The following RARS1 variants were observed in gnomAD, a reference collection of about 807,000 sequenced individuals.
RARS1 encodes arginyl-tRNA synthetase 1.
A neutral mutation model predicts 78.7 loss-of-function variants in RARS1; 75 were observed. The observed-to-expected ratio is 0.95, with a 90% CI of 0.79 to 1.15. The LOEUF is 1.15. Among genes scored for constraint, RARS1 ranks in the 50% most tolerant of loss-of-function variants. The pLI is 0.00. For synonymous variants in RARS1, 273 were observed against 268.2 expected, an observed-to-expected ratio of 1.02 and a Z score of -0.18; for missense variants, 787 against 787.5, an observed-to-expected ratio of 1.00 and a Z score of 0.01.
chr5:168,506,333 T>C, intron 10 of RARS1, 134 bp downstream of exon 10: 15 of 761,856 alleles, frequency 2.0e-5, no homozygotes, highest in South Asian at 6.7e-5. Context: ...CAGTATAGCA[T>C]AGAAGAAAGA....
At position 168,497,118 on chromosome 5, in the gene RARS1, T is replaced by C. The variant is rs17664493; in HGVS notation, c.702-110T>C. 0.17 allele frequency: 141,886 copies of C among 824,294 alleles called. 12,880 individuals are homozygous for C. Among genetic ancestry groups the C allele is most frequent in the Non-Finnish European group, 0.19 (108,830 of 587,410 alleles). The allele number at this position is 824,294 out of a possible 1,614,324, so 51.1% of individuals were successfully genotyped here. A position where few individuals can be genotyped will look rare whatever the true frequency, so the allele number is the denominator to read the frequency against. On this transcript the variant is annotated intron_variant, in intron 6 of 14. Transcript: ENST00000231572. ...GTAAACAGATATTACTAAATGGTGA[T>C]GTACTGGCATGTAAATATTAGTGGT...
intron 14 of RARS1, among the ~76,000 whole-genome samples, chr5:168,518,856 TA>T (rs1385298565): frequency 6.6e-6 from 1 of 152,218 alleles, no homozygotes; most frequent in Non-Finnish European, 1.5e-5. Context: ...TTGCAGACCT[TA>T]TATCTCTTAA....
chr5:168,500,810 T>C, intron 8 of RARS1, 90 bp downstream of exon 8: 2 of 1,449,978 alleles, frequency 1.4e-6, no homozygotes, highest in South Asian at 2.8e-5. Flanking sequence ...TGAGTGATAT[T>C]TTAACCTTCT....
intron 8 of RARS1, 129 bp downstream of exon 8, chr5:168,500,849 A>G (rs1418960301): frequency 3.4e-6 from 4 of 1,179,764 alleles, no homozygotes; most frequent in Admixed American, 3.7e-5. Context: ...TTTTTCTTAA[A>G]TGTATTTCTG....
At chr5:168,501,398 C>G (rs967599742) in intron 8 of RARS1, among the ~76,000 whole-genome samples, 20 of 151,658 alleles carry the variant, frequency 1.3e-4, no homozygotes, top group African/African-American at 4.4e-4. Context: ...GCTTTTTTTT[C>G]TTCTCATTTA....
chr5:168,514,116 T>G (rs964012348), intron 12 of RARS1, among the ~76,000 whole-genome samples: 2 of 152,204 alleles, frequency 1.3e-5, no homozygotes, highest in Admixed American at 6.5e-5. Context: ...GTATGTATCT[T>G]TTTCTCAGAC....
At position 168,499,318 on chromosome 5, in the gene RARS1, AT is replaced by A. The variant is rs528883147; in HGVS notation, c.823-1272del. Among the ~76,000 whole-genome samples, 109 of 152,204 alleles carry A rather than the reference AT, an allele frequency of 7.2e-4. 1 individual carries two copies. The highest frequency in any genetic ancestry group is 2.8e-4 in the Non-Finnish European group (19 of 68,034). On this transcript the variant is annotated intron_variant, in intron 7 of 14. Transcript: ENST00000231572. ...CAGAGTGAGACCCTGTCTTAAAAAA[AT>A]AAACATAAAAAAAATTCCCTATGGT...
chr5:168,494,810 G>A, intron 5 of RARS1, 160 bp downstream of exon 5: 1 of 564,106 alleles, frequency 1.8e-6, no homozygotes, highest in Non-Finnish European at 3.1e-6. Context: ...TCGCACCTGT[G>A]AATAGCTACT....
chr5:168,489,492 G>GT (rs796303364), intron 2 of RARS1, among the ~76,000 whole-genome samples: 22 of 152,262 alleles, frequency 1.4e-4, no homozygotes, highest in African/African-American at 5.3e-4. Context: ...ATCATTTGGG[G>GT]TTTTTTCCAC....
chr5:168,502,190 A>G (rs1015358059), intron 9 of RARS1, 85 bp downstream of exon 9: 1 of 1,498,392 alleles, frequency 6.7e-7, no homozygotes, highest in African/African-American at 1.4e-5. Flanking sequence ...TGCCAGCTTC[A>G]TGTACTCATC....
intron 12 of RARS1, 56 bp downstream of exon 12, chr5:168,510,742 T>A: frequency 7.4e-7 from 1 of 1,353,328 alleles, no homozygotes; most frequent in East Asian, 2.4e-5. Context: ...TTTTCATTTT[T>A]GTTTTTATTG....
At position 168,494,613 on chromosome 5, in the gene RARS1, A is replaced by G. The variant is rs1178362012; in HGVS notation, c.542A>G (p.Asn181Ser). The change falls in exon 5 of 15, where the codon AAT becomes AGT. Residue 181 changes from asparagine (N) to serine (S), a missense_variant. By Grantham distance (46) the Asn-to-Ser change is conservative. Transcript: ENST00000231572. The part of the protein sequence containing the change: ...VSEQLTSLLV[N>S]GVQLPALGEN... ...GAACAATTGACCAGTCTTCTAGTGA[A>G]TGGAGTTCAACTACCTGCTCTGGGA... 3 of 1,608,948 alleles carry G rather than the reference A, an allele frequency of 1.9e-6. No individual in the cohort carries two copies. The highest frequency in any genetic ancestry group is 2.6e-6 in the Non-Finnish European group (3 of 1,175,444).
At chr5:168,494,817 T>C (rs1215573243) in intron 5 of RARS1, 167 bp downstream of exon 5, 2 of 547,150 alleles carry the variant, frequency 3.7e-6, no homozygotes, top group Non-Finnish European at 6.4e-6. Context: ...TGTGAATAGC[T>C]ACTGCACTTC....
chr5:168,503,191 A>G (rs779605742), intron 9 of RARS1, among the ~76,000 whole-genome samples: 1 of 152,232 alleles, frequency 6.6e-6, no homozygotes, highest in Non-Finnish European at 1.5e-5. Context: ...GGATCTGTCC[A>G]TAAATTTCCC....
chr5:168,491,367 C>T (rs962051754), intron 2 of RARS1, among the ~76,000 whole-genome samples: 1 of 152,044 alleles, frequency 6.6e-6, no homozygotes, highest in East Asian at 1.9e-4. Flanking sequence ...TCTGTTACCC[C>T]CAACAAAGAA....
intron 2 of RARS1, 57 bp from the exon 3 acceptor site, chr5:168,492,602 C>T: frequency 7.2e-7 from 1 of 1,380,396 alleles, no homozygotes; most frequent in East Asian, 2.3e-5. Flanking sequence ...TTGGAGACAT[C>T]TTGTATGATG....
In RARS1 at chr5:168,500,646, G is replaced by A. The variant is rs760318379; in HGVS notation, c.878G>A (p.Cys293Tyr). Residue 293 changes from cysteine to tyrosine, a missense_variant, in exon 8 of 15, where the codon TGT (cysteine) becomes TAT (tyrosine). Cys to Tyr is a radical substitution (Grantham distance 194, BLOSUM62 -2). Coordinates refer to ENST00000231572, the MANE Select transcript of RARS1 (RefSeq NM_002887.4). ...EEEFKKRAYQCVVLLQGKNPD... is the reference protein window; with the variant it reads ...EEEFKKRAYQYVVLLQGKNPD... The stretch of plus-strand genomic sequence containing the variant: ...GAATTTAAGAAGCGAGCATATCAGT[G>A]TGTAGTTCTGCTCCAGGGTAAAAAC... The A allele has an allele frequency of 5.0e-6, 8 of 1,610,464 alleles. No individual in the cohort carries two copies. Among genetic ancestry groups the A allele is most frequent in the African/African-American group, 1.3e-5 (1 of 74,810 alleles).
Position 168,492,770 on chromosome 5 carries a change from C to T in RARS1, c.292C>T (p.Pro98Ser). The T allele has an allele frequency of 3.1e-6, 5 of 1,613,838 alleles. No homozygotes were observed. Among genetic ancestry groups the T allele is most frequent in the Non-Finnish European group, 4.2e-6 (5 of 1,179,762 alleles). ...GGCTGCATATCCAGATTTGGAAAAT[C>T]CTCCTCTGCTAGTGACACCAAGTCA... Reference protein sequence around the residue: ...IKAAYPDLENPPLLVTPSQQA... With the variant: ...IKAAYPDLENSPLLVTPSQQA... The change falls in exon 3 of 15, where the codon CCT becomes TCT. Residue 98 changes from proline (P) to serine (S), a missense_variant. Coordinates refer to ENST00000231572, the MANE Select transcript of RARS1 (RefSeq NM_002887.4).
intron 14 of RARS1, among the ~76,000 whole-genome samples, chr5:168,518,351 C>T (rs1056524727): frequency 1.1e-4 from 17 of 151,696 alleles, no homozygotes; most frequent in African/African-American, 4.1e-4. Flanking sequence ...ATGGAAACTT[C>T]CACTTTTTCC....
Sources: allele counts gnomAD v4.1 joint callset (sites outside exome capture counted in the v4.1 genomes callset), GRCh38; gene constraint gnomAD v4.1.1; transcripts MANE v1.5; gene names NCBI Gene and HGNC (gene_info 2026-07-23, HGNC 2026-07-21).